The following OXNAD1 variants were observed in gnomAD, a reference collection of about 807,000 sequenced individuals.
OXNAD1 encodes the protein oxidoreductase NAD-binding domain-containing protein 1.
In OXNAD1, 34 loss-of-function variants were observed where a neutral mutation model predicts 32.9. That is an observed-to-expected ratio of 1.03 (90% CI 0.79 to 1.38). OXNAD1 has a LOEUF of 1.38. OXNAD1 is among the 40% of genes most tolerant of loss of function. The pLI is 0.00. For synonymous variants in OXNAD1, 134 were observed against 135.2 expected, an observed-to-expected ratio of 0.99 and a Z score of 0.06; for missense variants, 407 against 379.4, an observed-to-expected ratio of 1.07 and a Z score of -0.60.
At chr3:16,337,720 G>A (rs2001468), downstream of OXNAD1, among the ~76,000 whole-genome samples, 2,432 of 140,808 alleles carry the variant, frequency 0.017, 74 homozygotes, top group East Asian at 0.12. This position sits in a 1 kb window ranked among gnomAD's most constrained non-coding sequence, Gnocchi z 5.0. Context: ...CCAGCCTGGC[G>A]ACAGAGCGAG....
rs537382315 is a variant in OXNAD1 at position 16,314,068 on chromosome 3, C to A, written c.*30+10476C>A. On this transcript the variant is annotated intron_variant, in intron 9 of 9. Transcript: ENST00000435829. This position sits in a 1 kb window ranked among gnomAD's most constrained non-coding sequence, Gnocchi z 4.4. ...TCGTAGGAATGCCACATTTCAATCA[C>A]CTGATAACCACCTGATCACAGTGGG... Among the ~76,000 whole-genome samples the A allele has an allele frequency of 2.0e-5, 3 of 152,002 alleles. No homozygotes were observed. Among genetic ancestry groups the A allele is most frequent in the African/African-American group, 7.2e-5 (3 of 41,390 alleles).
rs1324822334 is a variant in OXNAD1, at chr3:16,334,956, C to A, written c.*31-2156C>A. Among the ~76,000 whole-genome samples, 1 of 152,150 alleles carries A rather than the reference C, an allele frequency of 6.6e-6. No individual in the cohort carries two copies. The highest frequency in any genetic ancestry group is 6.5e-5 in the Admixed American group (1 of 15,286). On this transcript the variant is annotated intron_variant, in intron 9 of 9. Transcript: ENST00000435829. The surrounding 1 kb of genome is among the most constrained non-coding windows in gnomAD (Gnocchi z 4.3). ...AGGCTGGAGTGATGCAGGGAAGGGG[C>A]CACGAGCCAAGGAACATGGGCAGCT...
At chr3:16,295,333 C>A (rs1171972668) in intron 6 of OXNAD1, among the ~76,000 whole-genome samples, 1 of 152,108 alleles carries the variant, frequency 6.6e-6, no homozygotes, top group African/African-American at 2.4e-5. Context: ...TCCTAACCAT[C>A]CTAAATAAAG....
chr3:16,317,361 A>G lies in OXNAD1; in HGVS notation c.*30+13769A>G. Reference sequence around the variant, plus strand: ...ATACAATTCCCAGCATCCCCCAGCCAGGCAGTACAGGCACCAAACTTGAAT... The same window carrying G: ...ATACAATTCCCAGCATCCCCCAGCCGGGCAGTACAGGCACCAAACTTGAAT... On this transcript the variant is annotated intron_variant, in intron 9 of 9. Coordinates refer to the OXNAD1 transcript ENST00000435829. This position sits in a 1 kb window ranked among gnomAD's most constrained non-coding sequence, Gnocchi z 4.3. 1 of 918,208 alleles carries G rather than the reference A, an allele frequency of 1.1e-6. No homozygotes were observed. The highest frequency in any genetic ancestry group is 1.6e-6 in the Non-Finnish European group (1 of 609,644). 56.9% of individuals were successfully genotyped at this position (918,208 alleles called of 1,614,324 possible).
Position 16,324,612 on chromosome 3 carries a change from G to GCCCC in OXNAD1, c.*31-12500_*31-12499insCCCC, listed in dbSNP as rs1270315325. Among the ~76,000 whole-genome samples the GCCCC allele has an allele frequency of 3.4e-3, 241 of 70,996 alleles. 5 individuals are homozygous for GCCCC. The highest frequency in any genetic ancestry group is 5.1e-3 in the African/African-American group (84 of 16,466). The allele number at this position is 70,996 out of a possible 152,430, so 46.6% of individuals were successfully genotyped here. A position where few individuals can be genotyped will look rare whatever the true frequency, so the allele number is the denominator to read the frequency against. ...TTGTAATAAATAACAGAATGTCCCT[G>GCCCC]ACCCCCCCCCTTTTAAGGTTGCATA... On this transcript the variant is annotated intron_variant, in intron 9 of 9. Coordinates refer to the OXNAD1 transcript ENST00000435829.
Position 16,327,327 on chromosome 3 carries a change from C to CAT in OXNAD1, c.*31-9784_*31-9783dup, listed in dbSNP as rs2069806904. Among the ~76,000 whole-genome samples, 1 of 152,200 alleles carries CAT rather than the reference C, an allele frequency of 6.6e-6. No homozygotes were observed. The highest frequency in any genetic ancestry group is 2.1e-4 in the South Asian group (1 of 4,832). On this transcript the variant is annotated intron_variant, in intron 9 of 9. Coordinates refer to the OXNAD1 transcript ENST00000435829. This position sits in a 1 kb window ranked among gnomAD's most constrained non-coding sequence, Gnocchi z 4.2. The stretch of plus-strand genomic sequence containing the variant: ...TTATGTCCAGCCACAGCAACACACA[C>CAT]ATGCACATCCACATGTGTGTGTACA...
downstream of OXNAD1, among the ~76,000 whole-genome samples, chr3:16,307,723 T>TTTTA (rs538935872): frequency 1.2e-3 from 143 of 118,290 alleles, no homozygotes; most frequent in South Asian, 5.2e-3. Context: ...CATTGGGTTG[T>TTTTA]TTTATTTTTT....
intron 5 of OXNAD1, among the ~76,000 whole-genome samples, chr3:16,292,861 G>A (rs181418081): frequency 3.0e-4 from 46 of 152,242 alleles, no homozygotes; most frequent in African/African-American, 1.1e-3. Context: ...TGGACATTCC[G>A]TTCTTTTCCA....
intron 4 of OXNAD1, chr3:16,276,272 A>T (rs888424697): frequency 3.6e-5 from 8 of 224,096 alleles, no homozygotes; most frequent in African/African-American, 1.9e-4. Flanking sequence ...CTCATTTAAT[A>T]CAAGTGATTT....
At chr3:16,275,156 C>G (rs1457875952) in intron 4 of OXNAD1, 1 of 176,472 alleles carries the variant, frequency 5.7e-6, no homozygotes, top group Non-Finnish European at 1.3e-5. Context: ...ATAAGAACTT[C>G]CAAAGACTTC....
chr3:16,291,553 T>C (rs1575114080), intron 5 of OXNAD1, among the ~76,000 whole-genome samples: 1 of 152,230 alleles, frequency 6.6e-6, no homozygotes, highest in East Asian at 1.9e-4. Flanking sequence ...TCACTTAACA[T>C]GATTTCAGGG....
rs2067196474 is a variant in OXNAD1 at position 16,301,713 on chromosome 3, T to C, written c.520T>C (p.Leu174=). 6.2e-7 allele frequency: 1 copy of C among 1,613,940 alleles called. No individual in the cohort carries two copies. The highest frequency in any genetic ancestry group is 1.3e-5 in the African/African-American group (1 of 74,928). ...TGCGGATGCCTCTAGAAACCTCGTG[T>C]TGATTGCAGGAGGAGTCGGAATTAA... ...QPADASRNLV[L]IAGGVGINPL... is the part of the protein sequence containing the mutation. Residue 174 remains leucine, a synonymous_variant, in exon 7 of 9, where the codon TTG becomes CTG. Transcript: ENST00000285083. This position sits in a 1 kb window ranked among gnomAD's most constrained non-coding sequence, Gnocchi z 4.1.
rs187951637 is a variant in OXNAD1, at chr3:16,284,971, A to G, written c.184-1371A>G. Among the ~76,000 whole-genome samples the G allele has an allele frequency of 2.0e-3, 310 of 152,332 alleles. 1 individual carries two copies. Among genetic ancestry groups the G allele is most frequent in the African/African-American group, 7.0e-3 (289 of 41,582 alleles). Reference sequence around the variant, plus strand: ...GGGAGGAAAATTGAACATGAAGGAAAGGGCTGGTGGTTGCTGATGGAGCAG... The same window carrying G: ...GGGAGGAAAATTGAACATGAAGGAAGGGGCTGGTGGTTGCTGATGGAGCAG... On this transcript the variant is annotated intron_variant, in intron 4 of 8. Coordinates refer to ENST00000285083, the MANE Select transcript of OXNAD1 (RefSeq NM_138381.5). This position sits in a 1 kb window ranked among gnomAD's most constrained non-coding sequence, Gnocchi z 4.1.
intron 9 of OXNAD1, among the ~76,000 whole-genome samples, chr3:16,331,759 CTCTT>C (rs1463032501): frequency 2.0e-5 from 3 of 152,144 alleles, no homozygotes. Context: ...CTGGTATGTT[CTCTT>C]TTTTTGGTTT....
chr3:16,342,546 G>T lies in OXNAD1; in HGVS notation c.*31-6630G>T, dbSNP rs1047502851. ...ATGTTTTCATTTCTCTTAAATATAG[G>T]GGTGGAATTGCTGGGTCATATGGTA... On this transcript the variant is annotated intron_variant, in intron 9 of 9. Coordinates refer to the OXNAD1 transcript ENST00000606098. The surrounding 1 kb of genome is among the most constrained non-coding windows in gnomAD (Gnocchi z 4.0). Among the ~76,000 whole-genome samples the T allele has an allele frequency of 2.0e-5, 3 of 152,064 alleles. No homozygotes were observed. Among genetic ancestry groups the T allele is most frequent in the African/African-American group, 7.2e-5 (3 of 41,384 alleles).
intron 4 of OXNAD1, among the ~76,000 whole-genome samples, chr3:16,279,516 G>C (rs547625011): frequency 6.6e-6 from 1 of 152,110 alleles, no homozygotes; most frequent in African/African-American, 2.4e-5. Flanking sequence ...TTAACTGCTA[G>C]AGATGAAAAG....
At position 16,271,239 on chromosome 3, in the gene OXNAD1, C is replaced by T. The variant is rs942361947; in HGVS notation, c.119+168C>T. ...TTTTGTCTGAGATGGAGTCTTGCTC[C>T]GTCGCCTGGGCTGGAGTGCAGTGGC... On this transcript the variant is annotated intron_variant, in intron 3 of 8. Transcript: ENST00000285083. This position sits in a 1 kb window ranked among gnomAD's most constrained non-coding sequence, Gnocchi z 4.6. 2.5e-5 allele frequency: 20 copies of T among 802,260 alleles called. No individual in the cohort carries two copies. Among genetic ancestry groups the T allele is most frequent in the Admixed American group, 1.2e-4 (4 of 34,648 alleles). 49.7% of individuals were successfully genotyped at this position (802,260 alleles called of 1,614,324 possible).
chr3:16,324,076 A>G (rs967883261), intron 9 of OXNAD1, among the ~76,000 whole-genome samples: 1 of 152,032 alleles, frequency 6.6e-6, no homozygotes, highest in African/African-American at 2.4e-5. Flanking sequence ...GCCTCTAAAG[A>G]TGATAGAAGT....
intron 4 of OXNAD1, among the ~76,000 whole-genome samples, chr3:16,276,924 TC>T (rs1219952350): frequency 8.4e-6 from 1 of 118,390 alleles, no homozygotes; most frequent in Non-Finnish European, 1.8e-5. Flanking sequence ...TTTCTTTCTT[TC>T]TTTTTTTTTT....
Sources: gnomAD v4.1 joint callset for allele counts (sites outside exome capture counted in the v4.1 genomes callset) on GRCh38, gnomAD v4.1.1 for gene constraint, Gnocchi (gnomAD v3.1) non-coding constraint, MANE v1.5 for transcripts, NCBI Gene and HGNC (gene_info 2026-07-23, HGNC 2026-07-21) for gene names.